Variants in ERBB4 observed in about 807,000 individuals in gnomAD.
ERBB4 encodes receptor tyrosine-protein kinase erbB-4.
Under a neutral mutation model 158.0 loss-of-function variants are expected in ERBB4, and 42 were observed. The observed-to-expected ratio is 0.27, with a 90% CI of 0.21 to 0.34. The LOEUF (loss-of-function observed/expected upper bound fraction) is 0.34, where lower values mean the gene tolerates loss of function less well. Ranked by LOEUF, ERBB4 falls within the 10% of genes least tolerant of loss-of-function variation. The pLI, the probability that ERBB4 is intolerant of heterozygous loss-of-function variation, is 1.00. For synonymous variants in ERBB4, 583 were observed against 558.7 expected, an observed-to-expected ratio of 1.04 and a Z score of -0.61; for missense variants, 1,333 against 1,624.1, an observed-to-expected ratio of 0.82 and a Z score of 3.08.
chr2:212,418,966 G>C (rs2091725773), intron 1 of ERBB4, among the ~76,000 whole-genome samples: 1 of 151,862 alleles, frequency 6.6e-6, no homozygotes, highest in Non-Finnish European at 1.5e-5. Flanking sequence ...AAGCTTCAAA[G>C]AAGCAGAGCA....
chr2:211,802,133 C>G (rs940040722), intron 3 of ERBB4, among the ~76,000 whole-genome samples: 3 of 152,096 alleles, frequency 2.0e-5, no homozygotes, highest in African/African-American at 7.2e-5. Flanking sequence ...GTGGCGGGCA[C>G]CTGTAGTCGC....
intron 1 of ERBB4, among the ~76,000 whole-genome samples, chr2:212,484,106 T>C (rs929210955): frequency 2.6e-5 from 4 of 152,192 alleles, no homozygotes; most frequent in African/African-American, 9.7e-5. Context: ...CATTTTTCTA[T>C]ACATATGCTG....
At chr2:211,864,476 G>A (rs564417693) in intron 3 of ERBB4, among the ~76,000 whole-genome samples, 2 of 152,190 alleles carry the variant, frequency 1.3e-5, no homozygotes, top group Non-Finnish European at 2.9e-5. Context: ...AAGAAAGTCT[G>A]TAAACTGCCC....
intron 3 of ERBB4, among the ~76,000 whole-genome samples, chr2:211,945,334 C>G (rs886155815): frequency 2.6e-5 from 4 of 152,028 alleles, no homozygotes; most frequent in African/African-American, 9.7e-5. Flanking sequence ...AGTTCAATGA[C>G]CCTAGACTGT....
chr2:211,868,762 T>A (rs2078270513), intron 3 of ERBB4, among the ~76,000 whole-genome samples: 1 of 152,200 alleles, frequency 6.6e-6, no homozygotes, highest in Admixed American at 6.5e-5. Flanking sequence ...TAATAAAGAC[T>A]TAAAAATGTT....
intron 4 of ERBB4, chr2:211,779,814 C>A (rs1047402814): frequency 6.6e-6 from 1 of 152,136 alleles, no homozygotes; most frequent in East Asian, 1.9e-4. Flanking sequence ...GTTTCAAGCC[C>A]ATCCCATAAC....
intron 20 of ERBB4, among the ~76,000 whole-genome samples, chr2:211,513,079 T>C (rs2065921884): frequency 6.6e-6 from 1 of 152,020 alleles, no homozygotes; most frequent in Admixed American, 6.5e-5. Flanking sequence ...AACACTGGTC[T>C]GCTTAAGTGT....
At chr2:211,838,188 C>T (rs927739332) in intron 3 of ERBB4, among the ~76,000 whole-genome samples, 1 of 151,994 alleles carries the variant, frequency 6.6e-6, no homozygotes, top group Non-Finnish European at 1.5e-5. Flanking sequence ...CAATGGCCCA[C>T]TTGAGTGAGT....
At position 211,956,535 on chromosome 2, in the gene ERBB4, C is replaced by T. The variant is rs188883173; in HGVS notation, c.235-8919G>A. On this transcript the variant is annotated intron_variant, in intron 2 of 27. Transcript: ENST00000342788. Reference sequence around the variant, plus strand: ...CTGTCTCCATCACTTATTGACCTTGCGCAAATTATTCAATATTACGTTCCT... The same window carrying T: ...CTGTCTCCATCACTTATTGACCTTGTGCAAATTATTCAATATTACGTTCCT... Among the ~76,000 whole-genome samples the T allele has an allele frequency of 1.3e-4, 20 of 151,998 alleles. No individual in the cohort carries two copies. The East Asian group carries it at 2.7e-3, about 21-fold the overall frequency.
chr2:211,391,553 T>C (rs1340956876), intron 25 of ERBB4, among the ~76,000 whole-genome samples: 1 of 151,778 alleles, frequency 6.6e-6, no homozygotes, highest in Non-Finnish European at 1.5e-5. Flanking sequence ...TTTGTAAGGG[T>C]GATGGATGGA....
intron 1 of ERBB4, among the ~76,000 whole-genome samples, chr2:212,260,940 G>A (rs1017330403): frequency 6.6e-5 from 10 of 152,024 alleles, no homozygotes; most frequent in South Asian, 2.1e-4. Context: ...TATGCATAAC[G>A]GCCTAGATAT....
intron 20 of ERBB4, among the ~76,000 whole-genome samples, chr2:211,449,312 T>A (rs2064186392): frequency 6.6e-6 from 1 of 152,200 alleles, no homozygotes; most frequent in African/African-American, 2.4e-5. Context: ...ATAGTTTAAC[T>A]GTTTTGTAAA....
Position 211,386,961 on chromosome 2 carries a change from T to G in ERBB4, c.3373A>C (p.Thr1125Pro), listed in dbSNP as rs746094631. 6.2e-7 allele frequency: 1 copy of G among 1,614,082 alleles called. No individual in the cohort carries two copies. Among genetic ancestry groups the G allele is most frequent in the South Asian group, 1.1e-5 (1 of 91,074 alleles). ...VAPHVQEDSS[T>P]QRYSADPTVF... is the part of the protein sequence containing the mutation. ...GTGGGGTCAGCACTGTACCTCTGGG[T>G]GCTACTGTCCTCTTGGACATGGGGT... The change falls in exon 27 of 28, where the codon ACC becomes CCC. Residue 1125 changes from threonine to proline, a missense_variant. By Grantham distance (38) the Thr-to-Pro change is conservative. Coordinates refer to ENST00000342788, the MANE Select transcript of ERBB4 (RefSeq NM_005235.3).
intron 1 of ERBB4, among the ~76,000 whole-genome samples, chr2:212,382,232 T>A (rs575447455): frequency 6.7e-6 from 1 of 149,762 alleles, no homozygotes; most frequent in East Asian, 1.9e-4. Context: ...CACATACATA[T>A]ATATACACAT....
intron 3 of ERBB4, among the ~76,000 whole-genome samples, chr2:211,802,820 T>C (rs962634347): frequency 1.3e-5 from 2 of 152,114 alleles, no homozygotes; most frequent in African/African-American, 4.8e-5. Flanking sequence ...ACGCTCCCTT[T>C]TAGAGTGAAT....
At chr2:211,526,774 T>C (rs140746864) in intron 20 of ERBB4, among the ~76,000 whole-genome samples, 5 of 152,096 alleles carry the variant, frequency 3.3e-5, no homozygotes, top group Admixed American at 2.0e-4. Context: ...CAAGCAGAAA[T>C]TCTGAAGTTG....
chr2:212,230,580 T>A (rs895052535), intron 1 of ERBB4, among the ~76,000 whole-genome samples: 2 of 152,220 alleles, frequency 1.3e-5, no homozygotes, highest in African/African-American at 2.4e-5. Context: ...ACAGAAAATA[T>A]GTACCACACA....
At chr2:212,080,771 T>C (rs2078419771) in intron 2 of ERBB4, among the ~76,000 whole-genome samples, 1 of 152,184 alleles carries the variant, frequency 6.6e-6, no homozygotes, top group Non-Finnish European at 1.5e-5. Flanking sequence ...TTCTTTTTAA[T>C]TTGTGAAACT....
rs143964463 is a variant in ERBB4, at chr2:211,745,222, G to A, written c.622+5417C>T. 2.4e-3 allele frequency among the ~76,000 whole-genome samples: 359 copies of A among 152,198 alleles called. 2 individuals are homozygous for A. Among genetic ancestry groups the A allele is most frequent in the African/African-American group, 8.0e-3 (332 of 41,544 alleles). ...TGAATCGTGTGTTACAACTGTATGG[G>A]GTCTCTGGAGGTCTCATATTGTTAT... On this transcript the variant is annotated intron_variant, in intron 5 of 27. Coordinates refer to ENST00000342788, the MANE Select transcript of ERBB4 (RefSeq NM_005235.3).
Sources: gnomAD v4.1 joint callset for allele counts (sites outside exome capture counted in the v4.1 genomes callset) on GRCh38, gnomAD v4.1.1 for gene constraint, MANE v1.5 for transcripts, NCBI Gene and HGNC (gene_info 2026-07-23, HGNC 2026-07-21) for gene names.